XIST: variants seen among roughly 807,000 people sequenced by gnomAD.
The protein encoded by XIST is X inactive specific transcript, also known as X inactive specific transcript (non-protein coding).
At chrX:73,827,942 A>G (rs1239086335) in exon 6 of XIST, 3 of 521,588 alleles carry the variant, frequency 5.8e-6, no homozygotes, top group Non-Finnish European at 1.0e-5. Context: ...TAGATAGAGA[A>G]CAAAGAGCAA....
chrX:73,847,918 G>C (rs780077671), exon 1 of XIST: 2 of 558,936 alleles, frequency 3.6e-6, no homozygotes, highest in Admixed American at 4.4e-5. Context: ...AAAACAAGGA[G>C]GATAAAATGG....
rs200052369 is a variant in XIST, at chrX:73,827,109, G to A, written n.12792C>T. ...TATACTTTGGGCCTTCTATCCATATGAGCCTTCCACCTTCTGCCCTACTTG... is the reference window on the plus strand; with the variant it reads ...TATACTTTGGGCCTTCTATCCATATAAGCCTTCCACCTTCTGCCCTACTTG... On this transcript the variant is annotated non_coding_transcript_exon_variant, in exon 6 of 6. Transcript: ENST00000429829. 939 of 556,513 alleles carry A rather than the reference G, an allele frequency of 1.7e-3. 1 individual carries two copies. Among genetic ancestry groups the A allele is most frequent in the Non-Finnish European group, 2.4e-3 (727 of 309,016 alleles). 45.9% of individuals were successfully genotyped at this position (556,513 alleles called of 1,213,427 possible). A position where few individuals can be genotyped will look rare whatever the true frequency, so the allele number is the denominator to read the frequency against.
chrX:73,850,278 CA>C (rs762505968), exon 1 of XIST: 2 of 546,962 alleles, frequency 3.7e-6, no homozygotes, highest in Admixed American at 2.3e-5. Context: ...TATCTACTGC[CA>C]AAAAAAGGTT....
chrX:73,845,722 C>T, exon 1 of XIST: 1 of 527,292 alleles, frequency 1.9e-6, no homozygotes. Context: ...AGGTGCATGG[C>T]TGTGGTCACT....
At chrX:73,823,162 A>C in exon 6 of XIST, 1 of 553,995 alleles carries the variant, frequency 1.8e-6, no homozygotes, top group East Asian at 3.3e-5. Flanking sequence ...TAAAAGCAGA[A>C]TGTTTAGTTA....
chrX:73,845,335 G>A (rs758923899), exon 1 of XIST: 2 of 554,800 alleles, frequency 3.6e-6, no homozygotes, highest in African/African-American at 2.3e-5. Flanking sequence ...CACCCCTGCT[G>A]TACTGCAAAA....
exon 6 of XIST, chrX:73,821,098 T>A (rs1305736771): frequency 3.6e-6 from 2 of 558,551 alleles, no homozygotes; most frequent in Admixed American, 4.4e-5. Context: ...CATCCCCAGC[T>A]GAAGAAAGGG....
chrX:73,851,592 T>C (rs1287841871), exon 1 of XIST: 1 of 558,873 alleles, frequency 1.8e-6, no homozygotes, highest in Non-Finnish European at 3.2e-6. Flanking sequence ...TTCCTAACCT[T>C]CCATTTTTAA....
chrX:73,846,172 C>T, exon 1 of XIST: 1 of 556,080 alleles, frequency 1.8e-6, no homozygotes, highest in Non-Finnish European at 3.2e-6. Context: ...TAATCACACG[C>T]ATACCAGGCC....
At chrX:73,825,910 G>A (rs41303699) in exon 6 of XIST, 11,658 of 557,437 alleles carry the variant, frequency 0.021, 128 homozygotes, top group Non-Finnish European at 0.027. Flanking sequence ...TATTAAACAT[G>A]CTCAACAGTC....
chrX:73,823,359 C>A (rs1265397461), exon 6 of XIST: 1 of 500,246 alleles, frequency 2.0e-6, no homozygotes, highest in African/African-American at 2.4e-5. Flanking sequence ...GTCTTCTGGG[C>A]CAGACCTATT....
At chrX:73,846,112 G>C (rs777445716) in exon 1 of XIST, 2 of 552,381 alleles carry the variant, frequency 3.6e-6, no homozygotes, top group African/African-American at 4.7e-5. Context: ...TGGGGGTGGA[G>C]TGTGGCAGGG....
At chrX:73,837,601 A>G in intron 1 of XIST, 1 of 460,815 alleles carries the variant, frequency 2.2e-6, no homozygotes, top group South Asian at 3.3e-5. Context: ...TTGTTGTGAC[A>G]AATGTACCAA....
exon 6 of XIST, chrX:73,827,362 G>A (rs1922282516): frequency 1.8e-6 from 1 of 558,359 alleles, no homozygotes; most frequent in South Asian, 2.2e-5. Flanking sequence ...TCAAAGAGAG[G>A]GAGATAGATT....
At chrX:73,831,967 A>G (rs1453549678) in intron 3 of XIST, among the ~76,000 whole-genome samples, 2 of 112,248 alleles carry the variant, frequency 1.8e-5, no homozygotes, top group Non-Finnish European at 1.9e-5. Flanking sequence ...AACAACCTGT[A>G]TAATAGGGCG....
intron 3 of XIST, chrX:73,831,517 A>C (rs1922381465): frequency 7.6e-6 from 2 of 264,207 alleles, no homozygotes; most frequent in African/African-American, 5.4e-5. Flanking sequence ...AGAGAAATTT[A>C]GAACTGAGTA....
At chrX:73,826,185 T>C in exon 6 of XIST, 1 of 559,272 alleles carries the variant, frequency 1.8e-6, no homozygotes, top group Non-Finnish European at 3.2e-6. Context: ...GTATTTCTTG[T>C]CTAATTCTTC....
chrX:73,837,838 T>C, intron 1 of XIST, among the ~76,000 whole-genome samples: 1 of 111,815 alleles, frequency 8.9e-6, no homozygotes, highest in Non-Finnish European at 1.9e-5. Context: ...CTACAGTACG[T>C]ACCATCATTG....
chrX:73,844,158 G>T (rs776760238), exon 1 of XIST: 1 of 558,695 alleles, frequency 1.8e-6, no homozygotes, highest in South Asian at 2.2e-5. Flanking sequence ...AATTATGCAT[G>T]TCAACAAGCC....
Sources: allele counts gnomAD v4.1 joint callset (sites outside exome capture counted in the v4.1 genomes callset), GRCh38; gene constraint gnomAD v4.1.1; transcripts MANE v1.5; gene names NCBI Gene and HGNC (gene_info 2026-07-23, HGNC 2026-07-21).